CDC14A: variants seen among roughly 807,000 people sequenced by gnomAD.
CDC14A encodes dual specificity protein phosphatase CDC14A.
CDC14A carries 53 observed loss-of-function variants against 74.4 expected under a neutral mutation model. The ratio of observed to expected loss-of-function variants is 0.71; its 90% CI spans 0.57 to 0.89. The LOEUF is 0.89. Ranked by LOEUF, CDC14A falls within the 40% of genes least tolerant of loss-of-function variation. CDC14A has a pLI of 0.00. For missense variants in CDC14A, 646 were observed against 713.7 expected (o/e 0.91, Z 1.08); for synonymous variants, 247 against 258.4 (o/e 0.96, Z 0.43).
At chr1:100,434,398 G>T (rs1397750260) in intron 5 of CDC14A, among the ~76,000 whole-genome samples, 1 of 152,178 alleles carries the variant, frequency 6.6e-6, no homozygotes, top group Non-Finnish European at 1.5e-5. Flanking sequence ...AGGCCTTGTG[G>T]CCACAGTGAA....
chr1:100,369,349 C>T (rs1406111091), intron 2 of CDC14A, among the ~76,000 whole-genome samples: 4 of 152,092 alleles, frequency 2.6e-5, no homozygotes, highest in African/African-American at 7.2e-5. Flanking sequence ...CCTCGTGATC[C>T]GCCCACCTTG....
At chr1:100,510,995 A>G (rs191081542) in intron 15 of CDC14A, among the ~76,000 whole-genome samples, 57 of 152,292 alleles carry the variant, frequency 3.7e-4, no homozygotes, top group African/African-American at 1.3e-3. Context: ...CTCTGTCTCA[A>G]AGTTTATCTG....
intron 11 of CDC14A, among the ~76,000 whole-genome samples, chr1:100,490,511 G>C (rs1184995127): frequency 1.3e-5 from 2 of 152,102 alleles, no homozygotes; most frequent in East Asian, 1.9e-4. Context: ...TTGCCTGTCT[G>C]GATCTTTCCT....
Position 100,499,069 on chromosome 1 carries a change from C to T in CDC14A, c.1562C>T (p.Ser521Phe). The T allele has an allele frequency of 6.2e-7, 1 of 1,614,130 alleles. No homozygotes were observed. ...SPFTNLLNGS[S>F]QPTTRNYPEL... Reference sequence around the variant, plus strand: ...TTTACCAACCTCTTGAATGGCAGCTCCCAGCCAACTACCAGAAATTACCCT... The same window carrying T: ...TTTACCAACCTCTTGAATGGCAGCTTCCAGCCAACTACCAGAAATTACCCT... The change falls in exon 15 of 16, where the codon TCC becomes TTC. Residue 521 changes from serine (S) to phenylalanine (F), a missense_variant. By Grantham distance (155) the Ser-to-Phe change is radical (BLOSUM62 -2). Coordinates refer to ENST00000336454, the MANE Select transcript of CDC14A (RefSeq NM_003672.4).
At chr1:100,348,394 T>C (rs1650626268), upstream of CDC14A, among the ~76,000 whole-genome samples, 1 of 152,242 alleles carries the variant, frequency 6.6e-6, no homozygotes, top group South Asian at 2.1e-4. Flanking sequence ...ATCCATTCTT[T>C]TTTCTTTCAG....
chr1:100,431,172 C>T (rs1169005670), intron 5 of CDC14A, among the ~76,000 whole-genome samples: 1 of 152,178 alleles, frequency 6.6e-6, no homozygotes, highest in East Asian at 1.9e-4. Flanking sequence ...AGAAGAGAAA[C>T]AAGTGTAAGT....
At chr1:100,421,342 A>C (rs1662336045) in intron 4 of CDC14A, among the ~76,000 whole-genome samples, 1 of 152,242 alleles carries the variant, frequency 6.6e-6, no homozygotes, top group South Asian at 2.1e-4. Context: ...TATTTTTAGA[A>C]ATATTAGAAT....
intron 4 of CDC14A, among the ~76,000 whole-genome samples, chr1:100,404,399 C>T (rs1659661201): frequency 6.6e-6 from 1 of 152,150 alleles, no homozygotes; most frequent in South Asian, 2.1e-4. Context: ...CTTTGCTTTT[C>T]CTGTGCCTAT....
At chr1:100,487,566 A>AAAACG (rs1553195560) in intron 11 of CDC14A, among the ~76,000 whole-genome samples, 2 of 15,138 alleles carry the variant, frequency 1.3e-4, no homozygotes, top group Non-Finnish European at 5.3e-3. Context: ...TCTCAAAAAC[A>AAAACG]AAACAGAACA....
At chr1:100,499,405 A>ACTATGCACT in intron 15 of CDC14A, 143 bp downstream of exon 15, 1 of 1,583,782 alleles carries the variant, frequency 6.3e-7, no homozygotes, top group South Asian at 1.2e-5. Flanking sequence ...TGTGCTGTGA[A>ACTATGCACT]ACTGTCTATG....
At chr1:100,506,159 C>A (rs1023289276) in intron 15 of CDC14A, among the ~76,000 whole-genome samples, 1 of 152,052 alleles carries the variant, frequency 6.6e-6, no homozygotes, top group Non-Finnish European at 1.5e-5. Context: ...CAAACTATAT[C>A]AATATTCATT....
At chr1:100,480,916 T>C (rs780793286) in intron 10 of CDC14A, 14 of 152,210 alleles carry the variant, frequency 9.2e-5, no homozygotes, top group Non-Finnish European at 1.5e-4. Flanking sequence ...TTCTAGTATG[T>C]TTCACAATTA....
chr1:100,399,075 A>T (rs946427366), intron 4 of CDC14A, among the ~76,000 whole-genome samples: 1 of 152,158 alleles, frequency 6.6e-6, no homozygotes, highest in Admixed American at 6.5e-5. Flanking sequence ...TTTTTCCCTT[A>T]CAATTAAAAA....
At position 100,455,342 on chromosome 1, in the gene CDC14A, T is replaced by C. The variant is rs1233731615; in HGVS notation, c.520-63T>C. ...TGAAAAGCAGTTTTATTTGTAAGGGTTTCCTAAATTGTATAAGAATTATAA... is the reference window on the plus strand; with the variant it reads ...TGAAAAGCAGTTTTATTTGTAAGGGCTTCCTAAATTGTATAAGAATTATAA... On this transcript the variant is annotated intron_variant, in intron 7 of 15. Transcript: ENST00000336454. 8.4e-6 allele frequency: 9 copies of C among 1,069,584 alleles called. No individual in the cohort carries two copies. The Admixed American group carries it at 1.9e-4, about 22-fold the overall frequency. 66.3% of individuals were successfully genotyped at this position (1,069,584 alleles called of 1,614,324 possible).
At chr1:100,467,878 G>C in intron 9 of CDC14A, 78 bp from the exon 10 acceptor site, 1 of 1,379,266 alleles carries the variant, frequency 7.3e-7, no homozygotes, top group Non-Finnish European at 9.8e-7. Flanking sequence ...GCAGTTTCTG[G>C]GCAAGGTTTG....
At chr1:100,394,032 G>A in intron 4 of CDC14A, 1 of 257,838 alleles carries the variant, frequency 3.9e-6, no homozygotes, top group Non-Finnish European at 7.6e-6. Context: ...GCCATTCTGG[G>A]GACCTCAGGT....
chr1:100,400,857 A>G (rs909869237), intron 4 of CDC14A, among the ~76,000 whole-genome samples: 4 of 152,024 alleles, frequency 2.6e-5, no homozygotes, highest in Non-Finnish European at 4.4e-5. Flanking sequence ...AAGGTGCATC[A>G]ATCTTTTCAG....
chr1:100,452,381 G>A (rs1224209592), intron 7 of CDC14A, among the ~76,000 whole-genome samples: 1 of 152,098 alleles, frequency 6.6e-6, no homozygotes, highest in Non-Finnish European at 1.5e-5. Flanking sequence ...GCCTGGTGGT[G>A]TGTGCCTGTA....
chr1:100,449,995 G>C (rs1432941486), intron 7 of CDC14A, among the ~76,000 whole-genome samples: 1 of 151,124 alleles, frequency 6.6e-6, no homozygotes, highest in Non-Finnish European at 1.5e-5. Flanking sequence ...GCCAATCTAT[G>C]CTGCAAGAGT....
Sources: gnomAD v4.1 joint callset for allele counts (sites outside exome capture counted in the v4.1 genomes callset) on GRCh38, gnomAD v4.1.1 for gene constraint, MANE v1.5 for transcripts, NCBI Gene and HGNC (gene_info 2026-07-23, HGNC 2026-07-21) for gene names.